Variants in CRY1 observed in about 807,000 individuals in gnomAD.
CRY1 encodes the protein cryptochrome circadian regulator 1.
In CRY1, 45 loss-of-function variants were observed where a neutral mutation model predicts 76.0. The observed-to-expected ratio is 0.59, with a 90% CI of 0.47 to 0.76. The LOEUF (loss-of-function observed/expected upper bound fraction) is 0.76. Ranked by LOEUF, CRY1 falls within the 30% of genes least tolerant of loss-of-function variation. CRY1 has a pLI of 0.00. For synonymous variants in CRY1, 248 were observed against 244.0 expected (o/e 1.02, Z -0.15); for missense variants, 587 against 716.4 (o/e 0.82, Z 2.06).
At position 107,017,741 on chromosome 12, in the gene CRY1, T is replaced by C. The variant is rs112078611; in HGVS notation, c.267+4343A>G. ...AGTCAGATTCAATGGGGTAAGGAAA[T>C]AAACTCTACCTTTTGACGGAAAGAG... On this transcript the variant is annotated intron_variant, in intron 2 of 12. Transcript: ENST00000008527. Among the ~76,000 whole-genome samples the C allele has an allele frequency of 8.7e-4, 132 of 152,316 alleles. 1 individual carries two copies. Among genetic ancestry groups the C allele is most frequent in the South Asian group, 1.7e-3 (8 of 4,828 alleles).
intron 1 of CRY1, among the ~76,000 whole-genome samples, chr12:107,036,580 TG>T (rs976129681): frequency 2.0e-5 from 3 of 147,154 alleles, no homozygotes; most frequent in East Asian, 2.1e-4. Flanking sequence ...CATTTAAAGT[TG>T]GTGGTTTTTT....
At chr12:107,025,921 C>T (rs1323098795) in intron 1 of CRY1, among the ~76,000 whole-genome samples, 1 of 151,228 alleles carries the variant, frequency 6.6e-6, no homozygotes, top group Non-Finnish European at 1.5e-5. Context: ...GAATGTGCTC[C>T]AGGGCCTTTC....
chr12:107,032,509 G>A lies in CRY1; in HGVS notation c.159-10317C>T, dbSNP rs61942394. On this transcript the variant is annotated intron_variant, in intron 1 of 12. Coordinates refer to ENST00000008527, the MANE Select transcript of CRY1 (RefSeq NM_004075.5). The stretch of plus-strand genomic sequence containing the variant: ...GGTGTGCTCTGAGATAACTGTTACA[G>A]ACACACACACACACACACACGTCAC... Among the ~76,000 whole-genome samples the A allele has an allele frequency of 8.0e-5, 12 of 150,882 alleles. No individual in the cohort carries two copies. In the East Asian group the frequency reaches 1.4e-3, roughly 17 times the overall value.
intron 1 of CRY1, among the ~76,000 whole-genome samples, chr12:107,040,843 T>C (rs1341406568): frequency 1.3e-5 from 2 of 152,070 alleles, no homozygotes; most frequent in Non-Finnish European, 2.9e-5. Flanking sequence ...GAATCTCAAA[T>C]ATATTGCATA....
At chr12:107,070,867 ATTTT>A (rs59675852) in intron 1 of CRY1, among the ~76,000 whole-genome samples, 3 of 135,260 alleles carry the variant, frequency 2.2e-5, no homozygotes, top group Admixed American at 7.4e-5. Context: ...TGCCTGGCTA[ATTTT>A]TTTTTTTTTT....
At chr12:107,017,035 C>T (rs902613771) in intron 2 of CRY1, among the ~76,000 whole-genome samples, 5 of 152,214 alleles carry the variant, frequency 3.3e-5, no homozygotes, top group African/African-American at 9.6e-5. Flanking sequence ...CTGCTTCTGC[C>T]TCTACAACAC....
At chr12:107,037,449 T>C (rs1425187332) in intron 1 of CRY1, among the ~76,000 whole-genome samples, 2 of 151,968 alleles carry the variant, frequency 1.3e-5, no homozygotes, top group Non-Finnish European at 2.9e-5. Flanking sequence ...GGAGAATCAC[T>C]TGAAACTGGG....
At chr12:107,052,541 T>C (rs938181556) in intron 1 of CRY1, among the ~76,000 whole-genome samples, 1 of 152,242 alleles carries the variant, frequency 6.6e-6, no homozygotes, top group Non-Finnish European at 1.5e-5. Flanking sequence ...TGGTAATAAC[T>C]GAATAACATA....
chr12:106,998,607 T>G (rs937454167), intron 7 of CRY1, among the ~76,000 whole-genome samples: 5 of 151,876 alleles, frequency 3.3e-5, no homozygotes, highest in Non-Finnish European at 5.9e-5. Context: ...TCATTAAGTA[T>G]GTTATATATT....
intron 1 of CRY1, among the ~76,000 whole-genome samples, chr12:107,049,619 C>T (rs1952893972): frequency 6.6e-6 from 1 of 152,194 alleles, no homozygotes; most frequent in Non-Finnish European, 1.5e-5. Flanking sequence ...CTCAAGTGAT[C>T]TCCCTACTTC....
intron 1 of CRY1, among the ~76,000 whole-genome samples, chr12:107,075,628 G>A (rs1275781695): frequency 6.6e-6 from 1 of 152,084 alleles, no homozygotes; most frequent in Non-Finnish European, 1.5e-5. Context: ...CAATACACAA[G>A]GACATACTGA....
intron 1 of CRY1, among the ~76,000 whole-genome samples, chr12:107,042,462 TG>T (rs1023958219): frequency 7.9e-5 from 12 of 152,094 alleles, no homozygotes; most frequent in African/African-American, 2.9e-4. Context: ...ACATATCCCC[TG>T]ATATAAAAAA....
At position 106,991,433 on chromosome 12, in the gene CRY1, G is replaced by T. The variant is rs1234956490; in HGVS notation, c.*569C>A. ...AAATGAACAAAGAAACAGAGACAGAGAACTTAACACATGATACTTCCACAA... is the reference window on the plus strand; with the variant it reads ...AAATGAACAAAGAAACAGAGACAGATAACTTAACACATGATACTTCCACAA... On this transcript the variant is annotated 3_prime_UTR_variant, in exon 13 of 13. Coordinates refer to ENST00000008527, the MANE Select transcript of CRY1 (RefSeq NM_004075.5). The T allele has an allele frequency of 6.6e-6, 1 of 152,500 alleles. No individual in the cohort carries two copies. The highest frequency in any genetic ancestry group is 1.5e-5 in the Non-Finnish European group (1 of 68,016). The allele number at this position is 152,500 out of a possible 1,614,324, so 9.4% of individuals were successfully genotyped here. A position where few individuals can be genotyped will look rare whatever the true frequency, so the allele number is the denominator to read the frequency against.
At chr12:106,999,212 C>T (rs1425605853) in intron 7 of CRY1, among the ~76,000 whole-genome samples, 2 of 152,054 alleles carry the variant, frequency 1.3e-5, no homozygotes, top group Non-Finnish European at 2.9e-5. Context: ...TTCACTATCT[C>T]TAGGAACTCT....
intron 1 of CRY1, among the ~76,000 whole-genome samples, chr12:107,077,467 G>A (rs1448917171): frequency 1.3e-5 from 2 of 152,060 alleles, no homozygotes; most frequent in African/African-American, 4.8e-5. Context: ...TCAGTCCCAC[G>A]GCCATTTAAT....
intron 2 of CRY1, among the ~76,000 whole-genome samples, chr12:107,020,410 C>T (rs1952542133): frequency 6.6e-6 from 1 of 152,120 alleles, no homozygotes; most frequent in Non-Finnish European, 1.5e-5. Flanking sequence ...TCACCCAAAT[C>T]TCAAGTTGAA....
At position 107,005,246 on chromosome 12, in the gene CRY1, T is replaced by C. The variant is rs149378103; in HGVS notation, c.270A>G (p.Glu90=). 1.5e-3 allele frequency: 2,373 copies of C among 1,609,118 alleles called. 5 individuals carry two copies. Among genetic ancestry groups the C allele is most frequent in the Non-Finnish European group, 1.8e-3 (2,082 of 1,178,122 alleles). The change falls in exon 3 of 13, where the codon GAA becomes GAG. Residue 90 remains glutamate (E), a splice_region_variant and synonymous_variant. Coordinates refer to ENST00000008527, the MANE Select transcript of CRY1 (RefSeq NM_004075.5). ...CAATTGAAAGTTTAGTAATGTTCCA[T>C]TCCTAAAGTAAGAGAAAGGGGAACA... ...PADVFPRLFK[E]WNITKLSIEY... is the part of the protein sequence containing the mutation.
At chr12:107,033,652 C>T (rs1263169990) in intron 1 of CRY1, among the ~76,000 whole-genome samples, 5 of 151,984 alleles carry the variant, frequency 3.3e-5, no homozygotes, top group Non-Finnish European at 5.9e-5. Context: ...AACCAATTGA[C>T]GAGATGTATA....
intron 1 of CRY1, among the ~76,000 whole-genome samples, chr12:107,035,991 T>C (rs1380899257): frequency 6.6e-6 from 1 of 152,208 alleles, no homozygotes; most frequent in Non-Finnish European, 1.5e-5. Flanking sequence ...TTCATCTTGC[T>C]CATGCTGAGT....
Sources: allele counts gnomAD v4.1 joint callset (sites outside exome capture counted in the v4.1 genomes callset), GRCh38; gene constraint gnomAD v4.1.1; transcripts MANE v1.5; gene names NCBI Gene and HGNC (gene_info 2026-07-23, HGNC 2026-07-21).